The following MROH9 variants were observed in gnomAD, a reference collection of about 807,000 sequenced individuals.
The protein encoded by MROH9 is maestro heat-like repeat-containing protein family member 9.
In MROH9, 92 loss-of-function variants were observed where a neutral mutation model predicts 98.2. The ratio of observed to expected loss-of-function variants is 0.94; its 90% CI spans 0.79 to 1.11. The LOEUF (loss-of-function observed/expected upper bound fraction) is 1.11, where lower values mean the gene tolerates loss of function less well. Ranked by LOEUF, MROH9 falls within the 50% of genes most tolerant of loss-of-function variation. The pLI is 0.00. For synonymous variants in MROH9, 397 were observed against 368.9 expected (o/e 1.08, Z -0.87); for missense variants, 1,057 against 1,014.8 (o/e 1.04, Z -0.57).
At chr1:171,061,390 G>T (rs942358184) in intron 20 of MROH9, among the ~76,000 whole-genome samples, 2 of 152,042 alleles carry the variant, frequency 1.3e-5, no homozygotes, top group African/African-American at 4.8e-5. Flanking sequence ...ACAAATACCT[G>T]CCAAAATTCA....
Position 170,954,960 on chromosome 1 carries a change from C to T in MROH9, c.73-3501C>T, listed in dbSNP as rs572844774. 4.0e-5 allele frequency among the ~76,000 whole-genome samples: 6 copies of T among 151,898 alleles called. No individual in the cohort carries two copies. In the South Asian group the frequency reaches 8.3e-4, roughly 21 times the overall value. On this transcript the variant is annotated intron_variant, in intron 3 of 21. Transcript: ENST00000367759. ...CATATTTATAGCCTTTATCCCTATCCCCCTCCCACTCTTTCCTCCAAGTCC... is the reference window on the plus strand; with the variant it reads ...CATATTTATAGCCTTTATCCCTATCTCCCTCCCACTCTTTCCTCCAAGTCC...
At chr1:170,993,321 G>T (rs895338515) in intron 12 of MROH9, among the ~76,000 whole-genome samples, 1 of 152,150 alleles carries the variant, frequency 6.6e-6, no homozygotes, top group African/African-American at 2.4e-5. Context: ...AACTTTAGTG[G>T]TAAAATATGT....
chr1:171,007,424 G>A (rs28581981), intron 15 of MROH9, among the ~76,000 whole-genome samples: 21,538 of 152,120 alleles, frequency 0.14, 1,702 homozygotes, highest in African/African-American at 0.21. Flanking sequence ...GTGTAAGTAG[G>A]TGGGTCCCAG....
chr1:170,962,793 G>C (rs572839021), intron 6 of MROH9, among the ~76,000 whole-genome samples: 1 of 151,858 alleles, frequency 6.6e-6, no homozygotes, highest in South Asian at 2.1e-4. Context: ...GATTGATATT[G>C]GACCCCTTCC....
At chr1:170,995,178 G>T (rs1651513557) in intron 12 of MROH9, among the ~76,000 whole-genome samples, 1 of 152,130 alleles carries the variant, frequency 6.6e-6, no homozygotes, top group South Asian at 2.1e-4. Context: ...TGCCTTAAGA[G>T]TTCCTTACCG....
intron 20 of MROH9, among the ~76,000 whole-genome samples, chr1:171,054,541 T>G (rs1001975088): frequency 6.6e-6 from 1 of 152,068 alleles, no homozygotes; most frequent in African/African-American, 2.4e-5. Context: ...GGGACTTAAC[T>G]AAAAAGCTTC....
chr1:170,981,983 G>A (rs1650948968), intron 8 of MROH9, among the ~76,000 whole-genome samples: 1 of 152,110 alleles, frequency 6.6e-6, no homozygotes, highest in Admixed American at 6.5e-5. Flanking sequence ...CACATACATT[G>A]CGGGTGAAAC....
chr1:171,007,393 G>T (rs1260207514), intron 15 of MROH9, among the ~76,000 whole-genome samples: 3 of 152,126 alleles, frequency 2.0e-5, no homozygotes, highest in African/African-American at 7.2e-5. Context: ...CTCCTTTTGG[G>T]TCTGTGAGAT....
intron 15 of MROH9, among the ~76,000 whole-genome samples, chr1:171,002,590 T>C (rs1651817317): frequency 1.3e-5 from 2 of 152,202 alleles, no homozygotes; most frequent in African/African-American, 4.8e-5. Context: ...TGCAATCCCT[T>C]CTAGATTGTA....
chr1:171,001,013 T>C (rs920954830), intron 15 of MROH9, among the ~76,000 whole-genome samples: 6 of 152,124 alleles, frequency 3.9e-5, no homozygotes, highest in African/African-American at 1.4e-4. Flanking sequence ...CTACATTTTC[T>C]AGTTTATGTG....
intron 17 of MROH9, among the ~76,000 whole-genome samples, chr1:171,017,712 G>T (rs1030818884): frequency 3.3e-5 from 5 of 152,276 alleles, no homozygotes; most frequent in African/African-American, 9.6e-5. Context: ...TTTCCCTGCT[G>T]GAGCCAGTGA....
At chr1:171,058,136 G>A (rs1451056963) in intron 20 of MROH9, among the ~76,000 whole-genome samples, 1 of 152,114 alleles carries the variant, frequency 6.6e-6, no homozygotes, top group Non-Finnish European at 1.5e-5. Context: ...AGCAACTTTA[G>A]CAAAGTGTCA....
chr1:171,059,218 A>C (rs1653942064), intron 20 of MROH9, among the ~76,000 whole-genome samples: 1 of 152,218 alleles, frequency 6.6e-6, no homozygotes, highest in Non-Finnish European at 1.5e-5. Context: ...GCAAAGTAAC[A>C]AAAGTGGGCA....
chr1:170,940,304 C>T (rs138510631), intron 1 of MROH9, among the ~76,000 whole-genome samples: 6 of 152,334 alleles, frequency 3.9e-5, no homozygotes, highest in African/African-American at 1.4e-4. Context: ...CTCTGGCACA[C>T]AGGTGTCCTG....
At chr1:171,059,852 G>A (rs1571176742) in intron 20 of MROH9, among the ~76,000 whole-genome samples, 1 of 152,194 alleles carries the variant, frequency 6.6e-6, no homozygotes, top group South Asian at 2.1e-4. Context: ...ACACAGGGAG[G>A]GGAACAACAC....
chr1:171,063,085 TAC>T (rs987292465), intron 21 of MROH9, among the ~76,000 whole-genome samples: 7 of 152,140 alleles, frequency 4.6e-5, no homozygotes, highest in Non-Finnish European at 8.8e-5. Context: ...CTTTCTTTCT[TAC>T]AGTCATTTTC....
chr1:170,967,540 G>A (rs1370123159), intron 7 of MROH9, among the ~76,000 whole-genome samples: 1 of 152,092 alleles, frequency 6.6e-6, no homozygotes, highest in Admixed American at 6.5e-5. Flanking sequence ...CCTTCTCTAA[G>A]TGCATCCACC....
Position 170,935,570 on chromosome 1 carries a change from C to T in MROH9, c.-55C>T, listed in dbSNP as rs941008883. On this transcript the variant is annotated 5_prime_UTR_variant, in exon 1 of 22. Transcript: ENST00000367759. Reference sequence around the variant, plus strand: ...TCACTACTTTGTCTCACCGTGATTACAGAGAAGTTACAAATATGTAAGTGA... The same window carrying T: ...TCACTACTTTGTCTCACCGTGATTATAGAGAAGTTACAAATATGTAAGTGA... 2.0e-5 allele frequency: 3 copies of T among 152,198 alleles called. No homozygotes were observed. Among genetic ancestry groups the T allele is most frequent in the Admixed American group, 6.5e-5 (1 of 15,280 alleles). The allele number at this position is 152,198 out of a possible 1,614,324, so 9.4% of individuals were successfully genotyped here.
chr1:171,040,359 G>C lies in MROH9; in HGVS notation c.2281+14939G>C, dbSNP rs72710592. ...TACTTACATACCATACATTTGCTAAGAGAGTACATCTTAGGTGTTTTTAGC... is the reference window on the plus strand; with the variant it reads ...TACTTACATACCATACATTTGCTAACAGAGTACATCTTAGGTGTTTTTAGC... On this transcript the variant is annotated intron_variant, in intron 20 of 21. Coordinates refer to ENST00000367759, the MANE Select transcript of MROH9 (RefSeq NM_001163629.2). Among the ~76,000 whole-genome samples, 1,145 of 152,168 alleles carry C rather than the reference G, an allele frequency of 7.5e-3. 6 individuals are homozygous for C. The highest frequency in any genetic ancestry group is 0.01 in the Non-Finnish European group (711 of 67,948).
Sources: gnomAD v4.1 joint callset for allele counts (sites outside exome capture counted in the v4.1 genomes callset) on GRCh38, gnomAD v4.1.1 for gene constraint, MANE v1.5 for transcripts, NCBI Gene and HGNC (gene_info 2026-07-23, HGNC 2026-07-21) for gene names.